NKAIN2: variants seen among roughly 807,000 people sequenced by gnomAD.
NKAIN2 encodes sodium/potassium transporting ATPase interacting 2, also known as sodium/potassium-transporting ATPase subunit beta-1-interacting protein 2.
A neutral mutation model predicts 32.6 loss-of-function variants in NKAIN2; 14 were observed. The ratio of observed to expected loss-of-function variants is 0.43; its 90% CI spans 0.28 to 0.67. The LOEUF (loss-of-function observed/expected upper bound fraction) is 0.67, where lower values mean the gene tolerates loss of function less well. NKAIN2 is among the 30% of genes least tolerant of loss of function. NKAIN2 has a pLI of 0.17. For synonymous variants in NKAIN2, 80 were observed against 87.2 expected (o/e 0.92, Z 0.46); for missense variants, 198 against 258.3 (o/e 0.77, Z 1.60).
At chr6:123,850,998 A>T (rs73565111) in intron 1 of NKAIN2, among the ~76,000 whole-genome samples, 13,179 of 151,796 alleles carry the variant, frequency 0.087, 847 homozygotes, top group African/African-American at 0.18. Flanking sequence ...CCAGTTACAT[A>T]TTTTTTTCGT....
At chr6:123,920,797 A>G (rs925034082) in intron 1 of NKAIN2, among the ~76,000 whole-genome samples, 1 of 152,242 alleles carries the variant, frequency 6.6e-6, no homozygotes, top group Non-Finnish European at 1.5e-5. Context: ...AAAACAAGAA[A>G]TGAATCATAT....
chr6:124,028,899 A>G (rs1180904173), intron 1 of NKAIN2, among the ~76,000 whole-genome samples: 9 of 81,340 alleles, frequency 1.1e-4, no homozygotes, highest in Non-Finnish European at 1.7e-4. Flanking sequence ...ATATATATAT[A>G]TATACACATA....
chr6:124,706,194 A>C (rs1318577798), intron 4 of NKAIN2, among the ~76,000 whole-genome samples: 1 of 152,114 alleles, frequency 6.6e-6, no homozygotes, highest in African/African-American at 2.4e-5. Flanking sequence ...TAATAATAAT[A>C]ATACTCAACA....
At chr6:124,713,108 AC>A (rs1260227878) in intron 4 of NKAIN2, among the ~76,000 whole-genome samples, 1 of 152,174 alleles carries the variant, frequency 6.6e-6, no homozygotes, top group East Asian at 1.9e-4. Context: ...AGTGTTGCCT[AC>A]ATATAAAGCA....
chr6:124,354,559 T>G (rs1798880886), intron 2 of NKAIN2, among the ~76,000 whole-genome samples: 1 of 152,004 alleles, frequency 6.6e-6, no homozygotes, highest in Non-Finnish European at 1.5e-5. Context: ...GAAAGCTGAT[T>G]GGAATGGGAC....
intron 3 of NKAIN2, among the ~76,000 whole-genome samples, chr6:124,607,680 A>ATG (rs748213254): frequency 6.6e-6 from 1 of 152,004 alleles, no homozygotes; most frequent in Non-Finnish European, 1.5e-5. Flanking sequence ...ACATATATAT[A>ATG]TGTGTGTGTT....
intron 1 of NKAIN2, among the ~76,000 whole-genome samples, chr6:123,976,043 T>G (rs1391276552): frequency 6.6e-6 from 1 of 150,762 alleles, no homozygotes; most frequent in African/African-American, 2.4e-5. Context: ...TAAGAGGGAG[T>G]TCCCCTGCAC....
intron 1 of NKAIN2, among the ~76,000 whole-genome samples, chr6:124,040,919 A>C (rs965245463): frequency 2.0e-5 from 3 of 152,084 alleles, no homozygotes; most frequent in Admixed American, 1.3e-4. Context: ...CATAGAGTTC[A>C]ATGAGTGGCA....
At chr6:124,433,092 G>A (rs1040585239) in intron 3 of NKAIN2, among the ~76,000 whole-genome samples, 8 of 152,096 alleles carry the variant, frequency 5.3e-5, no homozygotes, top group East Asian at 1.9e-4. Flanking sequence ...TAGTTTAATC[G>A]ACTTTGGAGA....
chr6:124,351,243 A>G (rs926999097), intron 2 of NKAIN2, among the ~76,000 whole-genome samples: 9 of 152,148 alleles, frequency 5.9e-5, no homozygotes, highest in Non-Finnish European at 1.3e-4. Flanking sequence ...TGATGGAACA[A>G]TGTTTTATAT....
chr6:124,432,793 G>A (rs1326057529), intron 3 of NKAIN2, among the ~76,000 whole-genome samples: 1 of 151,876 alleles, frequency 6.6e-6, no homozygotes, highest in East Asian at 1.9e-4. Context: ...CCCAGATTTG[G>A]CTTCACAGTC....
intron 5 of NKAIN2, among the ~76,000 whole-genome samples, chr6:124,818,020 T>C (rs1419669462): frequency 6.6e-6 from 1 of 152,176 alleles, no homozygotes; most frequent in African/African-American, 2.4e-5. Context: ...CTGTAACATT[T>C]TGTAGCATGT....
rs548038893 is a variant in NKAIN2 at position 124,677,822 on chromosome 6, T to G, written c.474+19436T>G. On this transcript the variant is annotated intron_variant, in intron 4 of 6. Coordinates refer to ENST00000368417, the MANE Select transcript of NKAIN2 (RefSeq NM_001040214.3). ...TACCCATGATCTTTCTATTTTCATA[T>G]GCTTTTGTGTTGTTATCTAGCATCC... 2.0e-5 allele frequency among the ~76,000 whole-genome samples: 3 copies of G among 152,306 alleles called. No homozygotes were observed. In the South Asian group the frequency reaches 6.2e-4, roughly 32 times the overall value.
At chr6:124,591,459 G>C (rs1781909419) in intron 3 of NKAIN2, among the ~76,000 whole-genome samples, 1 of 151,954 alleles carries the variant, frequency 6.6e-6, no homozygotes, top group Non-Finnish European at 1.5e-5. Flanking sequence ...GTTCTTTTGG[G>C]GATATTTCAA....
chr6:124,780,604 A>C (rs1779218692), intron 4 of NKAIN2, among the ~76,000 whole-genome samples: 1 of 152,228 alleles, frequency 6.6e-6, no homozygotes, highest in South Asian at 2.1e-4. Context: ...CTGAAAGCAT[A>C]GGCTTGAGCC....
intron 3 of NKAIN2, among the ~76,000 whole-genome samples, chr6:124,542,359 T>A (rs1012458390): frequency 6.6e-6 from 1 of 152,086 alleles, no homozygotes; most frequent in Non-Finnish European, 1.5e-5. Flanking sequence ...AACACTGACA[T>A]CCAATTCTGT....
chr6:123,990,887 G>A (rs1374739355), intron 1 of NKAIN2, among the ~76,000 whole-genome samples: 1 of 152,116 alleles, frequency 6.6e-6, no homozygotes, highest in South Asian at 2.1e-4. Context: ...GCCACAATTT[G>A]AGCAAGCTCC....
chr6:124,076,877 G>T (rs987633423), intron 1 of NKAIN2, among the ~76,000 whole-genome samples: 1 of 152,140 alleles, frequency 6.6e-6, no homozygotes, highest in African/African-American at 2.4e-5. Flanking sequence ...AATCCCTCAT[G>T]CCTGGTTTTC....
intron 2 of NKAIN2, among the ~76,000 whole-genome samples, chr6:124,307,000 C>T (rs573647897): frequency 5.9e-5 from 9 of 152,206 alleles, no homozygotes; most frequent in African/African-American, 2.2e-4. Context: ...TAACAAGTGT[C>T]AAGAGTTTTA....
Sources: gnomAD v4.1 joint callset for allele counts (sites outside exome capture counted in the v4.1 genomes callset) on GRCh38, gnomAD v4.1.1 for gene constraint, MANE v1.5 for transcripts, NCBI Gene and HGNC (gene_info 2026-07-23, HGNC 2026-07-21) for gene names.